KCNE2: variants seen among roughly 807,000 people sequenced by gnomAD.
KCNE2 encodes the protein potassium voltage-gated channel subfamily E regulatory subunit 2, also known as potassium voltage-gated channel subfamily E member 2.
Under a neutral mutation model 4.5 loss-of-function variants are expected in KCNE2, and 4 were observed. That is an observed-to-expected ratio of 0.89 (90% CI 0.44 to 2.03). The LOEUF is 2.03. Ranked by LOEUF, KCNE2 falls within the 30% of genes most tolerant of loss-of-function variation. The probability of loss-of-function intolerance (pLI) is 0.03; values close to 1 mark genes in which losing one functional copy is unlikely to be tolerated. For missense variants in KCNE2, 137 were observed against 151.4 expected (o/e 0.90, Z 0.50); for synonymous variants, 57 against 55.9 (o/e 1.02, Z -0.09).
chr21:34,370,911 C>A lies in KCNE2; in HGVS notation c.*61C>A. On this transcript the variant is annotated 3_prime_UTR_variant, in exon 2 of 2. Transcript: ENST00000290310. ...CAGACATGAAGAGATGCCAGTGCCA[C>A]GAGGCAAATCCAAATTGTCTTTGCT... 3 of 1,604,442 alleles carry A rather than the reference C, an allele frequency of 1.9e-6. No homozygotes were observed. Among genetic ancestry groups the A allele is most frequent in the Non-Finnish European group, 2.6e-6 (3 of 1,173,428 alleles).
In KCNE2 at chr21:34,370,801, C is replaced by G. The variant is rs1345725522; in HGVS notation, c.323C>G (p.Ala108Gly). The change falls in exon 2 of 2, where the codon GCC becomes GGC. Residue 108 changes from alanine to glycine, a missense_variant. Physicochemically the swap from Ala to Gly is moderately conservative, Grantham distance 60 (BLOSUM62 0). Transcript: ENST00000290310. ...ATCTTGAATCTAGAAGAATCGAAGGCCACCATCCATGAGAACATTGGTGCG... is the reference window on the plus strand; with the variant it reads ...ATCTTGAATCTAGAAGAATCGAAGGGCACCATCCATGAGAACATTGGTGCG... The part of the protein sequence containing the change: ...SQILNLEESK[A>G]TIHENIGAAG... 1 of 1,614,182 alleles carries G rather than the reference C, an allele frequency of 6.2e-7. No individual in the cohort carries two copies. Among genetic ancestry groups the G allele is most frequent in the Non-Finnish European group, 8.5e-7 (1 of 1,180,030 alleles).
chr21:34,366,097 C>T (rs1441185921), intron 1 of KCNE2, among the ~76,000 whole-genome samples: 1 of 152,150 alleles, frequency 6.6e-6, no homozygotes, highest in Non-Finnish European at 1.5e-5. Context: ...AAATAATGGG[C>T]AGTTGGGGCT....
intron 1 of KCNE2, among the ~76,000 whole-genome samples, chr21:34,367,305 G>T (rs1028270916): frequency 1.4e-4 from 21 of 152,028 alleles, no homozygotes; most frequent in Non-Finnish European, 2.1e-4. Flanking sequence ...TTAAAAAAGA[G>T]TTAATAAAAA....
chr21:34,366,298 C>T (rs1979287168), intron 1 of KCNE2, among the ~76,000 whole-genome samples: 1 of 152,140 alleles, frequency 6.6e-6, no homozygotes, highest in Admixed American at 6.5e-5. Flanking sequence ...CATAGGTATA[C>T]TTTCTTGGGG....
intron 1 of KCNE2, among the ~76,000 whole-genome samples, chr21:34,368,228 C>CTCT (rs1568812293): frequency 1.9e-5 from 1 of 51,366 alleles, no homozygotes; most frequent in African/African-American, 8.1e-5. Flanking sequence ...CACACACACA[C>CTCT]AATATATATA....
chr21:34,370,341 C>A, intron 1 of KCNE2, 126 bp from the exon 2 acceptor site: 2 of 1,121,760 alleles, frequency 1.8e-6, no homozygotes, highest in East Asian at 2.4e-5. Flanking sequence ...CATTAAATCA[C>A]CAGCCAGGTT....
At chr21:34,366,754 C>T (rs777792041) in intron 1 of KCNE2, among the ~76,000 whole-genome samples, 34 of 150,872 alleles carry the variant, frequency 2.3e-4, no homozygotes, top group South Asian at 2.1e-3. Context: ...CCAAGGTGGG[C>T]GGATCACGAG....
intron 1 of KCNE2, among the ~76,000 whole-genome samples, chr21:34,365,993 A>G (rs1260238274): frequency 6.6e-6 from 1 of 152,196 alleles, no homozygotes. Flanking sequence ...TTTAATCCCT[A>G]TAGGCCCTTT....
intron 1 of KCNE2, among the ~76,000 whole-genome samples, chr21:34,365,835 G>A (rs1979268020): frequency 6.6e-6 from 1 of 152,248 alleles, no homozygotes; most frequent in Admixed American, 6.5e-5. Context: ...CTTCAACGAA[G>A]CTGCTTTCAC....
chr21:34,370,448 TTTA>T lies in KCNE2; in HGVS notation c.-12-13_-12-11del. 1 of 1,614,082 alleles carries T rather than the reference TTTA, an allele frequency of 6.2e-7. No individual in the cohort carries two copies. Among genetic ancestry groups the T allele is most frequent in the Non-Finnish European group, 8.5e-7 (1 of 1,179,974 alleles). On this transcript the variant is annotated splice_polypyrimidine_tract_variant and intron_variant, in intron 1 of 1. Transcript: ENST00000290310. ...CGTTTTCCTAACCTTGTTCGCCTAT[TTTA>T]TTATTTAAATTGCAGCAGGAGGGAA...
Position 34,370,867 on chromosome 21 carries a change from C to T in KCNE2, c.*17C>T, listed in dbSNP as rs374093618. On this transcript the variant is annotated 3_prime_UTR_variant, in exon 2 of 2. Transcript: ENST00000290310. ...TCCCCCTGATAAGGGAGAAAGGCAC[C>T]AAGCTAACATCTGACGTCCAGACAT... is the stretch of plus-strand genomic sequence containing the variant. The T allele has an allele frequency of 2.5e-5, 41 of 1,613,158 alleles. No homozygotes were observed. The highest frequency in any genetic ancestry group is 3.3e-5 in the Non-Finnish European group (39 of 1,180,030).
chr21:34,370,381 C>A, intron 1 of KCNE2, 86 bp from the exon 2 acceptor site: 1 of 1,495,128 alleles, frequency 6.7e-7, no homozygotes, highest in Non-Finnish European at 9.3e-7. Context: ...TATACCCTGG[C>A]ATCTCCCTCC....
chr21:34,369,926 T>C (rs1287763419), intron 1 of KCNE2, among the ~76,000 whole-genome samples: 1 of 152,216 alleles, frequency 6.6e-6, no homozygotes, highest in Non-Finnish European at 1.5e-5. Context: ...TGCCCCACAA[T>C]TCTCTAAAAA....
intron 1 of KCNE2, among the ~76,000 whole-genome samples, chr21:34,366,379 T>C: frequency 8.0e-6 from 1 of 124,312 alleles, no homozygotes; most frequent in East Asian, 2.6e-4. Context: ...CCACCCCCAA[T>C]TCCCACACCC....
chr21:34,364,465 G>A (rs1444754533), intron 1 of KCNE2, among the ~76,000 whole-genome samples: 4 of 152,070 alleles, frequency 2.6e-5, no homozygotes, highest in South Asian at 4.1e-4. Context: ...GATCTACCAT[G>A]TTTCAAGAAA....
At chr21:34,365,887 T>C (rs974357118) in intron 1 of KCNE2, among the ~76,000 whole-genome samples, 1 of 152,258 alleles carries the variant, frequency 6.6e-6, no homozygotes, top group African/African-American at 2.4e-5. Context: ...GGAGCAGGCA[T>C]GGGCCACTCG....
At chr21:34,367,277 C>T (rs960219059) in intron 1 of KCNE2, among the ~76,000 whole-genome samples, 1 of 151,402 alleles carries the variant, frequency 6.6e-6, no homozygotes, top group African/African-American at 2.4e-5. Context: ...AGTGAGACCT[C>T]ATCACTACTT....
chr21:34,368,217 ACACACAC>A (rs2123421000), intron 1 of KCNE2, among the ~76,000 whole-genome samples: 1 of 95,782 alleles, frequency 1.0e-5, no homozygotes, highest in East Asian at 3.1e-4. Flanking sequence ...ACACACACAC[ACACACAC>A]ACACAATATA....
At chr21:34,369,959 G>T (rs1603062407) in intron 1 of KCNE2, among the ~76,000 whole-genome samples, 1 of 152,268 alleles carries the variant, frequency 6.6e-6, no homozygotes, top group Non-Finnish European at 1.5e-5. Context: ...ATGAGTCATT[G>T]GTCCATTCCA....
Sources: gnomAD v4.1 joint callset for allele counts (sites outside exome capture counted in the v4.1 genomes callset) on GRCh38, gnomAD v4.1.1 for gene constraint, MANE v1.5 for transcripts, NCBI Gene and HGNC (gene_info 2026-07-23, HGNC 2026-07-21) for gene names.